The following TRAPPC11 variants were observed in gnomAD, a reference collection of about 807,000 sequenced individuals.
The protein encoded by TRAPPC11 is trafficking protein particle complex subunit 11, also known as foie gras homolog.
In TRAPPC11, 104 loss-of-function variants were observed where a neutral mutation model predicts 151.2. That is an observed-to-expected ratio of 0.69 (90% confidence interval 0.59 to 0.81). The LOEUF is 0.81. Ranked by LOEUF, TRAPPC11 falls within the 30% of genes least tolerant of loss-of-function variation. The pLI, the probability that TRAPPC11 is intolerant of heterozygous loss-of-function variation, is 0.00. For missense variants in TRAPPC11, 1,230 were observed against 1,349.6 expected, an observed-to-expected ratio of 0.91 and a Z score of 1.39; for synonymous variants, 456 against 472.3, an observed-to-expected ratio of 0.97 and a Z score of 0.45.
At chr4:183,692,868 G>T in intron 19 of TRAPPC11, 92 bp from the exon 20 acceptor site, 1 of 1,190,824 alleles carries the variant, frequency 8.4e-7, no homozygotes, top group Non-Finnish European at 1.2e-6. Context: ...GAACTCCATG[G>T]TCTTAGCAGT....
At chr4:183,698,649 A>G (rs1736661407) in intron 25 of TRAPPC11, among the ~76,000 whole-genome samples, 1 of 152,236 alleles carries the variant, frequency 6.6e-6, no homozygotes, top group Non-Finnish European at 1.5e-5. Flanking sequence ...TCATTTTCTA[A>G]CAGCTCAATA....
Position 183,693,967 on chromosome 4 carries a change from G to C in TRAPPC11, c.2437G>C (p.Glu813Gln). 6.2e-7 allele frequency: 1 copy of C among 1,614,080 alleles called. No homozygotes were observed. The highest frequency in any genetic ancestry group is 1.1e-5 in the South Asian group (1 of 91,080). The change falls in exon 22 of 30, where the codon GAA becomes CAA. Residue 813 changes from glutamate (E) to glutamine (Q), a missense_variant. Physicochemically the swap from Glu to Gln is conservative, Grantham distance 29. Coordinates refer to ENST00000334690, the MANE Select transcript of TRAPPC11 (RefSeq NM_021942.6). ...QKTHVTLHGTELCDESYPALL... is the reference protein window; with the variant it reads ...QKTHVTLHGTQLCDESYPALL... Reference sequence around the variant, plus strand: ...GACTCACGTGACTCTTCATGGAACAGAACTGTGTGATGAATCCTACCCGGC... The same window carrying C: ...GACTCACGTGACTCTTCATGGAACACAACTGTGTGATGAATCCTACCCGGC...
chr4:183,691,938 T>C (rs937014552), intron 19 of TRAPPC11, among the ~76,000 whole-genome samples: 9 of 152,198 alleles, frequency 5.9e-5, no homozygotes, highest in African/African-American at 2.2e-4. Flanking sequence ...TTTGTAAAGA[T>C]TGATATAGTA....
intron 7 of TRAPPC11, 52 bp downstream of exon 7, chr4:183,675,289 A>AT (rs1735359609): frequency 8.6e-7 from 1 of 1,165,454 alleles, no homozygotes; most frequent in South Asian, 1.9e-5. Context: ...TAACAATAAC[A>AT]TGTGATGGAA....
chr4:183,675,876 T>C (rs1399382391), intron 7 of TRAPPC11, among the ~76,000 whole-genome samples: 1 of 152,216 alleles, frequency 6.6e-6, no homozygotes, highest in Non-Finnish European at 1.5e-5. Context: ...TGGTTAAATA[T>C]TTTAGTCCTT....
rs1221488637 is a variant in TRAPPC11 at position 183,705,145 on chromosome 4, A to G, written c.3055+75A>G. The G allele has an allele frequency of 2.8e-6, 3 of 1,068,606 alleles. No homozygotes were observed. The East Asian group carries it at 7.3e-5, about 26-fold the overall frequency. The allele number at this position is 1,068,606 out of a possible 1,614,324, so 66.2% of individuals were successfully genotyped here. On this transcript the variant is annotated intron_variant, in intron 27 of 29. Transcript: ENST00000334690. ...TATTTTAACCTCTAAGAGTTTAGTT[A>G]TTTTAACATTCTATTTAGAAAGTTT...
chr4:183,704,028 A>G (rs1736927030), intron 26 of TRAPPC11, among the ~76,000 whole-genome samples: 1 of 152,324 alleles, frequency 6.6e-6, no homozygotes, highest in African/African-American at 2.4e-5. Flanking sequence ...AAATCACTGC[A>G]CTGTTCCTGA....
chr4:183,659,883 CAGTT>C (rs1381621037), intron 1 of TRAPPC11, among the ~76,000 whole-genome samples: 3 of 151,980 alleles, frequency 2.0e-5, no homozygotes. Flanking sequence ...CCTGAACTTC[CAGTT>C]AGTTAAAAGA....
At chr4:183,705,191 C>T (rs1386091029) in intron 27 of TRAPPC11, 121 bp downstream of exon 27, 1 of 639,974 alleles carries the variant, frequency 1.6e-6, no homozygotes, top group Non-Finnish European at 2.7e-6. Context: ...GTAAAAGTAG[C>T]TTATGGCCAG....
At chr4:183,706,989 G>A (rs747864195) in intron 28 of TRAPPC11, 49 bp downstream of exon 28, 2 of 1,598,676 alleles carry the variant, frequency 1.3e-6, no homozygotes, top group Non-Finnish European at 1.7e-6. Context: ...AGTGTGCCAG[G>A]AAACGGAGAG....
intron 27 of TRAPPC11, among the ~76,000 whole-genome samples, chr4:183,705,544 C>T (rs78215301): frequency 9.0e-4 from 137 of 152,238 alleles, no homozygotes; most frequent in Middle Eastern, 3.4e-3. Flanking sequence ...TCTCTCCTCT[C>T]CCCACCCACC....
intron 2 of TRAPPC11, among the ~76,000 whole-genome samples, chr4:183,664,526 TGAG>T (rs1468547736): frequency 1.3e-5 from 2 of 152,188 alleles, no homozygotes; most frequent in Non-Finnish European, 2.9e-5. Context: ...TCCCTATTCT[TGAG>T]GAGTTTTACA....
intron 18 of TRAPPC11, among the ~76,000 whole-genome samples, 174 bp from the exon 19 acceptor site, chr4:183,691,142 T>C (rs980690757): frequency 3.9e-5 from 6 of 152,238 alleles, no homozygotes; most frequent in Admixed American, 1.3e-4. Context: ...TGTTATATTA[T>C]GGCAGCAGTA....
chr4:183,694,015 G>A lies in TRAPPC11; in HGVS notation c.2485G>A (p.Gly829Arg). Reference protein sequence around the residue: ...YPALLTDIPVGDLHPGEQLEK... With the variant: ...YPALLTDIPVRDLHPGEQLEK... ...GGCTTTACTCACTGACATTCCTGTTGGAGACTTACATCCAGGGGAACAGGT... is the reference window on the plus strand; with the variant it reads ...GGCTTTACTCACTGACATTCCTGTTAGAGACTTACATCCAGGGGAACAGGT... Residue 829 changes from glycine to arginine, a missense_variant, in exon 22 of 30, where the codon GGA (glycine) becomes AGA (arginine). Gly to Arg is a moderately radical substitution (Grantham distance 125). Transcript: ENST00000334690. 1 of 1,613,896 alleles carries A rather than the reference G, an allele frequency of 6.2e-7. No homozygotes were observed. The highest frequency in any genetic ancestry group is 8.5e-7 in the Non-Finnish European group (1 of 1,179,800).
intron 5 of TRAPPC11, among the ~76,000 whole-genome samples, chr4:183,669,597 T>C (rs4422454): frequency 0.5 from 75,926 of 152,052 alleles, 19,535 homozygotes; most frequent in African/African-American, 0.62. Flanking sequence ...GACTCTTCAC[T>C]GAGCAGCATT....
rs762786762 is a variant in TRAPPC11 at position 183,663,847 on chromosome 4, G to GT, written c.-15dup. 1.1e-5 allele frequency: 17 copies of GT among 1,576,346 alleles called. No homozygotes were observed. The highest frequency in any genetic ancestry group is 5.1e-5 in the Admixed American group (3 of 58,588). On this transcript the variant is annotated splice_region_variant and 5_prime_UTR_variant, in exon 2 of 30. Coordinates refer to ENST00000334690, the MANE Select transcript of TRAPPC11 (RefSeq NM_021942.6). ...GAATGTATTAACATTTGTATTTCAG[G>GT]TTTTTTGTGACATCGTAAACATGAG...
chr4:183,694,671 A>G lies in TRAPPC11; in HGVS notation c.2576A>G (p.Tyr859Cys). Residue 859 changes from tyrosine to cysteine, a missense_variant, in exon 23 of 30, where the codon TAC (tyrosine) becomes TGC (cysteine). Physicochemically the swap from Tyr to Cys is radical, Grantham distance 194. Coordinates refer to ENST00000334690, the MANE Select transcript of TRAPPC11 (RefSeq NM_021942.6). The stretch of plus-strand genomic sequence containing the variant: ...AGAATGTTTCTTGTATATGTTTCTT[A>G]CCTGATAAATACAACCGTTGAAGAA... ...GSRMFLVYVS[Y>C]LINTTVEEKE... The G allele has an allele frequency of 6.2e-7, 1 of 1,610,418 alleles. No individual in the cohort carries two copies. The highest frequency in any genetic ancestry group is 8.5e-7 in the Non-Finnish European group (1 of 1,179,166).
intron 10 of TRAPPC11, among the ~76,000 whole-genome samples, chr4:183,680,775 CT>C (rs2111351087): frequency 7.0e-6 from 1 of 143,086 alleles, no homozygotes; most frequent in African/African-American, 2.6e-5. Context: ...TCCTCCATCT[CT>C]TCATCTCTTG....
rs1028732588 is a variant in TRAPPC11, at chr4:183,686,472, T to A, written c.1763-146T>A. The A allele has an allele frequency of 4.8e-5, 40 of 829,258 alleles. No homozygotes were observed. In the Admixed American group the frequency reaches 9.4e-4, roughly 19 times the overall value. 51.4% of individuals were successfully genotyped at this position (829,258 alleles called of 1,614,324 possible). A position where few individuals can be genotyped will look rare whatever the true frequency, so the allele number is the denominator to read the frequency against. ...TTTTATAATAAAAAGTTAGCTCATT[T>A]GTCTCTTGAAGTGCCTTAAGTGCAG... is the stretch of plus-strand genomic sequence containing the variant. On this transcript the variant is annotated intron_variant, in intron 17 of 29. Coordinates refer to ENST00000334690, the MANE Select transcript of TRAPPC11 (RefSeq NM_021942.6).
Sources: gnomAD v4.1 joint callset for allele counts (sites outside exome capture counted in the v4.1 genomes callset) on GRCh38, gnomAD v4.1.1 for gene constraint, MANE v1.5 for transcripts, NCBI Gene and HGNC (gene_info 2026-07-23, HGNC 2026-07-21) for gene names.